Variants in MAPK4 observed in about 807,000 individuals in gnomAD.
MAPK4 encodes Erk3-related.
A neutral mutation model predicts 47.7 loss-of-function variants in MAPK4; 22 were observed. The observed-to-expected ratio is 0.46, with a 90% CI of 0.33 to 0.66. The LOEUF (loss-of-function observed/expected upper bound fraction) is 0.66, where lower values mean the gene tolerates loss of function less well. Among genes scored for constraint, MAPK4 ranks in the 30% least tolerant of loss-of-function variants. MAPK4 has a pLI of 0.02. For missense variants in MAPK4, 736 were observed against 831.7 expected (o/e 0.88, Z 1.42); for synonymous variants, 390 against 365.7 (o/e 1.07, Z -0.76).
chr18:50,725,392 C>T (rs1418359470), intron 4 of MAPK4, among the ~76,000 whole-genome samples: 1 of 152,232 alleles, frequency 6.6e-6, no homozygotes, highest in African/African-American at 2.4e-5. Context: ...CTTTTTACTG[C>T]TGCACCTGGC....
Position 50,715,119 on chromosome 18 carries a change from C to G in MAPK4, c.587C>G (p.Ser196Cys). Reference sequence around the variant, plus strand: ...GGGTTGGTAACAAAGTGGTACCGTTCCCCACGACTGCTCCTTTCCCCCAAT... The same window carrying G: ...GGGTTGGTAACAAAGTGGTACCGTTGCCCACGACTGCTCCTTTCCCCCAAT... Reference protein sequence around the residue: ...SEGLVTKWYRSPRLLLSPNNY... With the variant: ...SEGLVTKWYRCPRLLLSPNNY... The change falls in exon 3 of 6, where the codon TCC becomes TGC. Residue 196 changes from serine to cysteine, a missense_variant. Physicochemically the swap from Ser to Cys is moderately radical, Grantham distance 112 (BLOSUM62 -1). This residue lies in a region of MAPK4 where 327 missense variants were observed against 395.4 expected (regional missense o/e 0.83). Transcript: ENST00000400384. 1 of 1,614,170 alleles carries G rather than the reference C, an allele frequency of 6.2e-7. No homozygotes were observed.
At chr18:50,717,285 C>G (rs1303862169) in intron 3 of MAPK4, among the ~76,000 whole-genome samples, 1 of 152,080 alleles carries the variant, frequency 6.6e-6, no homozygotes, top group Non-Finnish European at 1.5e-5. Flanking sequence ...AGCTGAGTGT[C>G]CAGGGAATGG....
chr18:50,581,461 C>A (rs910187895), intron 1 of MAPK4, among the ~76,000 whole-genome samples: 1 of 152,154 alleles, frequency 6.6e-6, no homozygotes, highest in African/African-American at 2.4e-5. Context: ...AGAGAGCAAC[C>A]GAGCAGTTAC....
intron 1 of MAPK4, among the ~76,000 whole-genome samples, chr18:50,642,948 G>C (rs2042953651): frequency 6.6e-6 from 1 of 152,204 alleles, no homozygotes; most frequent in Non-Finnish European, 1.5e-5. Flanking sequence ...TTTTTAAAGT[G>C]CTAGTGTTGA....
chr18:50,670,756 CAA>C (rs34523525), intron 2 of MAPK4, among the ~76,000 whole-genome samples: 9 of 104,688 alleles, frequency 8.6e-5, no homozygotes, highest in African/African-American at 3.8e-5. Context: ...GACTCCGTCT[CAA>C]AAAAAAAAAA....
rs777838970 is a variant in MAPK4 at position 50,715,125 on chromosome 18, G to A, written c.593G>A (p.Arg198Gln). ...GLVTKWYRSP[R>Q]LLLSPNNYTK... ...GTAACAAAGTGGTACCGTTCCCCACGACTGCTCCTTTCCCCCAATAACTAC... is the reference window on the plus strand; with the variant it reads ...GTAACAAAGTGGTACCGTTCCCCACAACTGCTCCTTTCCCCCAATAACTAC... Residue 198 changes from arginine to glutamine, a missense_variant, in exon 3 of 6, where the codon CGA (arginine) becomes CAA (glutamine). By Grantham distance (43) the Arg-to-Gln change is conservative. Around this residue, in one of 3 missense-constraint regions of MAPK4, gnomAD observed 327 missense variants for 395.4 expected, o/e 0.83. Transcript: ENST00000400384. 2.8e-5 allele frequency: 45 copies of A among 1,614,004 alleles called. No homozygotes were observed. The highest frequency in any genetic ancestry group is 2.7e-5 in the Non-Finnish European group (32 of 1,180,024).
At chr18:50,595,634 C>G (rs1375642681) in intron 1 of MAPK4, among the ~76,000 whole-genome samples, 1 of 152,190 alleles carries the variant, frequency 6.6e-6, no homozygotes, top group Non-Finnish European at 1.5e-5. Context: ...TGGGTAGACA[C>G]AGTCTTCAAG....
At chr18:50,728,349 G>A (rs1911317839) in intron 5 of MAPK4, among the ~76,000 whole-genome samples, 1 of 152,224 alleles carries the variant, frequency 6.6e-6, no homozygotes, top group African/African-American at 2.4e-5. Flanking sequence ...AGTCGAACGG[G>A]GCAGAATGCC....
At chr18:50,715,349 T>C in intron 3 of MAPK4, 126 bp downstream of exon 3, 1 of 1,171,848 alleles carries the variant, frequency 8.5e-7, no homozygotes, top group Non-Finnish European at 1.2e-6. Context: ...CTGTGGCTTT[T>C]ATGACACTAT....
intron 1 of MAPK4, among the ~76,000 whole-genome samples, chr18:50,616,877 T>C (rs1027195069): frequency 6.6e-6 from 1 of 152,220 alleles, no homozygotes; most frequent in African/African-American, 2.4e-5. Flanking sequence ...ACTCAAATGT[T>C]AATCTCGTCT....
chr18:50,648,115 GA>G (rs2043008607), intron 1 of MAPK4, among the ~76,000 whole-genome samples: 1 of 151,998 alleles, frequency 6.6e-6, no homozygotes, highest in African/African-American at 2.4e-5. Context: ...GAGAGAGAGA[GA>G]GAGAGAGAGA....
intron 1 of MAPK4, among the ~76,000 whole-genome samples, chr18:50,616,085 T>C (rs974745347): frequency 6.6e-6 from 1 of 152,230 alleles, no homozygotes; most frequent in Non-Finnish European, 1.5e-5. Context: ...GGGACTGGCT[T>C]TGAACACTTC....
chr18:50,624,916 C>G (rs553623579), intron 1 of MAPK4, among the ~76,000 whole-genome samples: 14 of 152,038 alleles, frequency 9.2e-5, no homozygotes, highest in African/African-American at 3.4e-4. Flanking sequence ...CACCCAGCAG[C>G]AAGCTTAAAG....
At chr18:50,699,291 T>C (rs1164443884) in intron 2 of MAPK4, among the ~76,000 whole-genome samples, 1 of 152,190 alleles carries the variant, frequency 6.6e-6, no homozygotes, top group Non-Finnish European at 1.5e-5. Context: ...CGTATTATGT[T>C]TAACAATGAA....
intron 1 of MAPK4, among the ~76,000 whole-genome samples, chr18:50,567,555 C>T (rs1312807274): frequency 5.3e-5 from 8 of 152,144 alleles, no homozygotes; most frequent in Admixed American, 2.6e-4. Flanking sequence ...AAATGGTGTA[C>T]CAGTTTACCT....
intron 2 of MAPK4, among the ~76,000 whole-genome samples, chr18:50,666,115 C>T (rs1014635466): frequency 3.3e-5 from 5 of 152,120 alleles, no homozygotes; most frequent in African/African-American, 1.2e-4. Flanking sequence ...GATGAAAGAA[C>T]CTGATTAAGT....
chr18:50,618,971 C>T (rs1030380752), intron 1 of MAPK4, among the ~76,000 whole-genome samples: 2 of 152,022 alleles, frequency 1.3e-5, no homozygotes, highest in South Asian at 2.1e-4. Flanking sequence ...TATCTTTCTA[C>T]GACCTAGATT....
At chr18:50,622,492 C>T (rs1461338262) in intron 1 of MAPK4, among the ~76,000 whole-genome samples, 1 of 152,308 alleles carries the variant, frequency 6.6e-6, no homozygotes, top group South Asian at 2.1e-4. Flanking sequence ...GGCCAGGTGA[C>T]TCCGTTCAGC....
At chr18:50,640,266 T>A (rs571691297) in intron 1 of MAPK4, among the ~76,000 whole-genome samples, 74 of 151,978 alleles carry the variant, frequency 4.9e-4, no homozygotes, top group Non-Finnish European at 4.4e-5. Flanking sequence ...GGGGGCCATA[T>A]CAACAGCATG....
Sources: gnomAD v4.1 joint callset for allele counts (sites outside exome capture counted in the v4.1 genomes callset) on GRCh38, gnomAD v4.1.1 for gene constraint, gnomAD v4.1.1 regional missense constraint, MANE v1.5 for transcripts, NCBI Gene and HGNC (gene_info 2026-07-23, HGNC 2026-07-21) for gene names.